Variants in OSBP2 observed in about 807,000 individuals in gnomAD.
The protein encoded by OSBP2 is oxysterol binding protein 2.
A neutral mutation model predicts 96.0 loss-of-function variants in OSBP2; 66 were observed. The observed-to-expected ratio is 0.69, with a 90% CI of 0.56 to 0.84. The LOEUF (loss-of-function observed/expected upper bound fraction) is 0.84. Ranked by LOEUF, OSBP2 falls within the 40% of genes least tolerant of loss-of-function variation. The pLI, the probability that OSBP2 is intolerant of heterozygous loss-of-function variation, is 0.00. For synonymous variants in OSBP2, 525 were observed against 520.9 expected, an observed-to-expected ratio of 1.01 and a Z score of -0.11; for missense variants, 1,038 against 1,222.7, an observed-to-expected ratio of 0.85 and a Z score of 2.25.
At chr22:30,778,117 C>T (rs1407460435) in intron 2 of OSBP2, among the ~76,000 whole-genome samples, 1 of 148,608 alleles carries the variant, frequency 6.7e-6, no homozygotes, top group Non-Finnish European at 1.5e-5. Context: ...GCCTCAACCT[C>T]CCAAGTAGCT....
intron 2 of OSBP2, among the ~76,000 whole-genome samples, chr22:30,813,264 C>T (rs2091036089): frequency 6.8e-6 from 1 of 146,604 alleles, no homozygotes; most frequent in Non-Finnish European, 1.5e-5. Flanking sequence ...ACTGCAACCT[C>T]TCGGATTCAA....
intron 3 of OSBP2, among the ~76,000 whole-genome samples, chr22:30,884,006 T>G (rs1025200949): frequency 6.6e-6 from 1 of 152,054 alleles, no homozygotes; most frequent in African/African-American, 2.4e-5. Flanking sequence ...CAGGGAGCAG[T>G]GGAGTCAGGC....
intron 4 of OSBP2, 103 bp downstream of exon 4, chr22:30,887,721 A>C: frequency 9.4e-7 from 1 of 1,059,058 alleles, no homozygotes; most frequent in Non-Finnish European, 1.4e-6. Flanking sequence ...CTGTGCCCAC[A>C]TGTGGGCTGG....
At chr22:30,724,939 C>T (rs1487611610) in intron 1 of OSBP2, among the ~76,000 whole-genome samples, 3 of 151,748 alleles carry the variant, frequency 2.0e-5, no homozygotes, top group African/African-American at 4.8e-5. Context: ...TTTGGGAGGC[C>T]GAGGCGGGTG....
chr22:30,793,377 G>T (rs1445088091), intron 2 of OSBP2, among the ~76,000 whole-genome samples: 1 of 151,770 alleles, frequency 6.6e-6, no homozygotes, highest in Non-Finnish European at 1.5e-5. Context: ...GAAAAAAGAG[G>T]ATTTAGGTCT....
intron 2 of OSBP2, among the ~76,000 whole-genome samples, chr22:30,774,177 T>A (rs956012262): frequency 3.3e-5 from 5 of 152,164 alleles, no homozygotes; most frequent in Non-Finnish European, 7.4e-5. Flanking sequence ...TACGTAGCTG[T>A]GGTACCTGGG....
intron 1 of OSBP2, among the ~76,000 whole-genome samples, chr22:30,736,922 ACTT>A (rs1465982123): frequency 6.6e-6 from 1 of 152,184 alleles, no homozygotes; most frequent in African/African-American, 2.4e-5. Context: ...CTGCTGGGTA[ACTT>A]CTAGTCCAGC....
Position 30,870,690 on chromosome 22 carries a change from C to A in OSBP2, c.1107+8C>A, listed in dbSNP as rs767385279. On this transcript the variant is annotated splice_region_variant and intron_variant, in intron 3 of 13. Coordinates refer to ENST00000332585, the MANE Select transcript of OSBP2 (RefSeq NM_030758.4). This position sits in a 1 kb window ranked among gnomAD's most constrained non-coding sequence, Gnocchi z 4.1. Reference sequence around the variant, plus strand: ...TCCAATGCTATGATCAACGTGAGTACCCACCCCCACCGCCCTGGCACGGGG... The same window carrying A: ...TCCAATGCTATGATCAACGTGAGTAACCACCCCCACCGCCCTGGCACGGGG... 6.2e-7 allele frequency: 1 copy of A among 1,608,626 alleles called. No homozygotes were observed. Among genetic ancestry groups the A allele is most frequent in the Non-Finnish European group, 8.5e-7 (1 of 1,176,200 alleles).
chr22:30,900,864 G>A (rs1161584096), intron 12 of OSBP2, among the ~76,000 whole-genome samples: 4 of 152,120 alleles, frequency 2.6e-5, no homozygotes, highest in Non-Finnish European at 5.9e-5. Flanking sequence ...TAAGACACAA[G>A]CATTCATATA....
intron 2 of OSBP2, among the ~76,000 whole-genome samples, chr22:30,788,971 G>A (rs1004756773): frequency 6.6e-6 from 1 of 151,994 alleles, no homozygotes; most frequent in Non-Finnish European, 1.5e-5. Flanking sequence ...TCTCAGCCTC[G>A]CAAAGTGCTG....
At chr22:30,891,197 G>A (rs2039941025) in intron 8 of OSBP2, among the ~76,000 whole-genome samples, 1 of 152,256 alleles carries the variant, frequency 6.6e-6, no homozygotes, top group African/African-American at 2.4e-5. Flanking sequence ...TCAGCTTGGT[G>A]AGGACAAGGT....
At chr22:30,802,097 C>G (rs2090858497) in intron 2 of OSBP2, among the ~76,000 whole-genome samples, 1 of 152,192 alleles carries the variant, frequency 6.6e-6, no homozygotes, top group African/African-American at 2.4e-5. Flanking sequence ...GTAGGCAGAG[C>G]CTGGAACCAG....
chr22:30,702,226 G>C (rs1032630149), intron 1 of OSBP2, among the ~76,000 whole-genome samples: 1 of 152,204 alleles, frequency 6.6e-6, no homozygotes, highest in African/African-American at 2.4e-5. Context: ...TGGTGTCCCA[G>C]CTTCTGTCCT....
Position 30,861,884 on chromosome 22 carries a change from C to T in OSBP2, c.854-8545C>T, listed in dbSNP as rs571926995. Among the ~76,000 whole-genome samples, 15 of 152,306 alleles carry T rather than the reference C, an allele frequency of 9.8e-5. 1 individual carries two copies. Among genetic ancestry groups the T allele is most frequent in the South Asian group, 4.1e-4 (2 of 4,826 alleles). Reference sequence around the variant, plus strand: ...GGGGCTCAGGGTCCGAGCGCTGGCCCGTTCCACCTCTGTCCTGGGGCTCCT... The same window carrying T: ...GGGGCTCAGGGTCCGAGCGCTGGCCTGTTCCACCTCTGTCCTGGGGCTCCT... On this transcript the variant is annotated intron_variant, in intron 2 of 13. Transcript: ENST00000332585.
chr22:30,832,257 A>G (rs529682512), intron 2 of OSBP2, among the ~76,000 whole-genome samples: 14 of 152,186 alleles, frequency 9.2e-5, no homozygotes, highest in African/African-American at 3.1e-4. Flanking sequence ...TGTAAATGAT[A>G]TGAACTATGC....
chr22:30,729,033 A>T (rs2089701060), intron 1 of OSBP2, among the ~76,000 whole-genome samples: 1 of 152,210 alleles, frequency 6.6e-6, no homozygotes, highest in Non-Finnish European at 1.5e-5. Flanking sequence ...AAATTGCTTA[A>T]TCATGAGACA....
chr22:30,779,764 G>A (rs761330467), intron 2 of OSBP2, among the ~76,000 whole-genome samples: 7 of 152,206 alleles, frequency 4.6e-5, no homozygotes, highest in Admixed American at 2.6e-4. Context: ...TAGAAATAGA[G>A]CTGAGGGGAC....
chr22:30,780,981 AT>A (rs928198835), intron 2 of OSBP2, among the ~76,000 whole-genome samples: 12 of 147,862 alleles, frequency 8.1e-5, no homozygotes, highest in Admixed American at 3.4e-4. Flanking sequence ...AATATTTAAA[AT>A]TTTTTTTTTT....
chr22:30,782,996 T>G (rs1285783076), intron 2 of OSBP2, among the ~76,000 whole-genome samples: 1 of 151,876 alleles, frequency 6.6e-6, no homozygotes, highest in African/African-American at 2.4e-5. Flanking sequence ...TCAAAAATGA[T>G]TGTATGTTTT....
Sources: gnomAD v4.1 joint callset for allele counts (sites outside exome capture counted in the v4.1 genomes callset) on GRCh38, gnomAD v4.1.1 for gene constraint, Gnocchi (gnomAD v3.1) non-coding constraint, MANE v1.5 for transcripts, NCBI Gene and HGNC (gene_info 2026-07-23, HGNC 2026-07-21) for gene names.